The following SP3 variants were observed in gnomAD, a reference collection of about 807,000 sequenced individuals.
SP3 encodes the protein transcription factor Sp3.
A neutral mutation model predicts 70.3 loss-of-function variants in SP3; 10 were observed. The observed-to-expected ratio is 0.14, with a 90% CI of 0.09 to 0.24. SP3 has a LOEUF of 0.24. SP3 is among the 10% of genes least tolerant of loss of function. The pLI is 1.00. For synonymous variants in SP3, 402 were observed against 333.5 expected (o/e 1.21, Z -2.24); for missense variants, 825 against 914.6 (o/e 0.90, Z 1.26).
chr2:173,961,438 T>A (rs751015065), intron 3 of SP3, among the ~76,000 whole-genome samples: 1 of 152,162 alleles, frequency 6.6e-6, no homozygotes, highest in African/African-American at 2.4e-5. Flanking sequence ...CACAACAATA[T>A]ATATGCAATG....
chr2:173,964,533 G>C lies in SP3; in HGVS notation c.28C>G (p.Gln10Glu), dbSNP rs1297953607. 2.0e-6 allele frequency: 1 copy of C among 512,638 alleles called. No individual in the cohort carries two copies. Among genetic ancestry groups the C allele is most frequent in the East Asian group, 4.9e-5 (1 of 20,274 alleles). 31.8% of individuals were successfully genotyped at this position (512,638 alleles called of 1,614,324 possible). ...ACGTCCAAGGCAGCCATTTCCTCTTGTTTCACGGGCTTTTCGGGAGCTGCA... is the reference window on the plus strand; with the variant it reads ...ACGTCCAAGGCAGCCATTTCCTCTTCTTTCACGGGCTTTTCGGGAGCTGCA... Reference protein sequence around the residue: MTAPEKPVKQEEMAALDVDS... With the variant: MTAPEKPVKEEEMAALDVDS... The change falls in exon 2 of 7, where the codon CAA (glutamine) becomes GAA (glutamate). Residue 10 changes from glutamine (Q) to glutamate (E), a missense_variant. Around this residue, in one of 4 missense-constraint regions of SP3, gnomAD observed 678 missense variants for 651.6 expected, o/e 1.04. Transcript: ENST00000310015.
At chr2:173,920,931 T>C (rs1262886631) in intron 4 of SP3, among the ~76,000 whole-genome samples, 4 of 152,092 alleles carry the variant, frequency 2.6e-5, no homozygotes, top group South Asian at 2.1e-4. Flanking sequence ...AGGTGCTCCA[T>C]GGGGATAGAA....
intron 5 of SP3, among the ~76,000 whole-genome samples, chr2:173,918,003 A>T (rs1453225857): frequency 6.6e-6 from 1 of 150,790 alleles, no homozygotes; most frequent in African/African-American, 2.4e-5. Context: ...TTTTTTTTTA[A>T]AAAAAATATG....
At chr2:173,961,270 T>C (rs1284845814) in intron 3 of SP3, among the ~76,000 whole-genome samples, 1 of 152,228 alleles carries the variant, frequency 6.6e-6, no homozygotes, top group African/African-American at 2.4e-5. Flanking sequence ...CACCCTTGGC[T>C]AGGATCCTCT....
chr2:173,916,948 A>G (rs1000697310), intron 5 of SP3: 3 of 152,098 alleles, frequency 2.0e-5, no homozygotes, highest in Non-Finnish European at 4.4e-5. Context: ...TGGTCACAAA[A>G]ATTCTCAAAA....
In SP3 at chr2:173,955,366, C is replaced by T; in HGVS notation, c.1146G>A (p.Gln382=). 1 of 1,613,968 alleles carries T rather than the reference C, an allele frequency of 6.2e-7. No individual in the cohort carries two copies. Among genetic ancestry groups the T allele is most frequent in the East Asian group, 2.2e-5 (1 of 44,880 alleles). ...CTGTAGAAACCTGAATATTCTGTGC[C>T]TGTGTCTCTTCAGAAACAGGCGACT... ...YIQSPVSEET[Q]AQNIQVSTAQ... is the part of the protein sequence containing the mutation. Residue 382 remains glutamine (Q), a synonymous_variant, in exon 4 of 7, where the codon CAG becomes CAA. Transcript: ENST00000310015.
chr2:173,905,269 GA>G lies in SP3; in HGVS notation c.*4671del, dbSNP rs941922052. ...GGAATCTCCAGAGTTAAGGGGGGAG[GA>G]AGGCATTGGAAGGAGGTTACCATTT... On this transcript the variant is annotated 3_prime_UTR_variant, in exon 7 of 7. Coordinates refer to ENST00000310015, the MANE Select transcript of SP3 (RefSeq NM_003111.5). Among the ~76,000 whole-genome samples the G allele has an allele frequency of 6.6e-6, 1 of 152,176 alleles. No homozygotes were observed. The highest frequency in any genetic ancestry group is 1.5e-5 in the Non-Finnish European group (1 of 68,036).
chr2:173,913,491 C>A, intron 5 of SP3: 2 of 321,384 alleles, frequency 6.2e-6, no homozygotes, highest in South Asian at 1.2e-4. Context: ...TGATTGTTGT[C>A]CAAATGTAAA....
chr2:173,909,843 T>G lies in SP3; in HGVS notation c.*98A>C. The G allele has an allele frequency of 8.4e-7, 1 of 1,193,598 alleles. No individual in the cohort carries two copies. The allele number at this position is 1,193,598 out of a possible 1,614,324, so 73.9% of individuals were successfully genotyped here. On this transcript the variant is annotated 3_prime_UTR_variant, in exon 7 of 7. Transcript: ENST00000310015. ...ACCAAGTTACTGTCAATCCAAAAAT[T>G]TTTGCACATCAATAAAAAGATATCT... is the stretch of plus-strand genomic sequence containing the variant.
chr2:173,965,293 AT>A lies in SP3; in HGVS notation c.-123del, dbSNP rs1003471126. On this transcript the variant is annotated 5_prime_UTR_variant, in exon 1 of 7. Coordinates refer to ENST00000310015, the MANE Select transcript of SP3 (RefSeq NM_003111.5). Reference sequence around the variant, plus strand: ...CGGACACGGCCGGAGCGGTCCGGGGATTTTTTTTTCCTATTTTGATTGACTG... The same window carrying A: ...CGGACACGGCCGGAGCGGTCCGGGGATTTTTTTTCCTATTTTGATTGACTG... 7.8e-5 allele frequency: 91 copies of A among 1,167,752 alleles called. No homozygotes were observed. The highest frequency in any genetic ancestry group is 2.2e-4 in the Middle Eastern group (1 of 4,490). The allele number at this position is 1,167,752 out of a possible 1,614,324, so 72.3% of individuals were successfully genotyped here.
intron 4 of SP3, among the ~76,000 whole-genome samples, chr2:173,941,963 G>C (rs1054379787): frequency 6.6e-6 from 1 of 152,050 alleles, no homozygotes; most frequent in Admixed American, 6.6e-5. Context: ...CTCATTCACG[G>C]TATCTTACCT....
At chr2:173,910,606 TCTAA>T (rs1298683184) in intron 6 of SP3, among the ~76,000 whole-genome samples, 2 of 152,144 alleles carry the variant, frequency 1.3e-5, no homozygotes, top group East Asian at 3.8e-4. Context: ...CACTTTAAAG[TCTAA>T]ATAAAAGTAT....
intron 4 of SP3, among the ~76,000 whole-genome samples, chr2:173,944,630 G>A (rs1424682871): frequency 3.9e-5 from 6 of 152,132 alleles, no homozygotes; most frequent in African/African-American, 1.2e-4. Flanking sequence ...AATAAAATAC[G>A]GCATTACTGA....
At chr2:173,926,079 A>C (rs1689900854) in intron 4 of SP3, among the ~76,000 whole-genome samples, 1 of 152,218 alleles carries the variant, frequency 6.6e-6, no homozygotes. Flanking sequence ...TTAAGTATTC[A>C]AACTGCTCTT....
intron 6 of SP3, among the ~76,000 whole-genome samples, chr2:173,911,813 CTTTTTTTTTTT>C (rs11448837): frequency 4.1e-4 from 40 of 98,026 alleles, no homozygotes; most frequent in Admixed American, 6.2e-4. Flanking sequence ...TTTTATCTAC[CTTTTTTTTTTT>C]TTTTTTTTTT....
At chr2:173,910,449 T>C (rs1300526879) in intron 6 of SP3, among the ~76,000 whole-genome samples, 192 bp from the exon 7 acceptor site, 1 of 152,156 alleles carries the variant, frequency 6.6e-6, no homozygotes, top group East Asian at 1.9e-4. Flanking sequence ...AAATCTTTCA[T>C]CTTTACTTTT....
At chr2:173,954,444 T>G (rs1190102657) in intron 4 of SP3, among the ~76,000 whole-genome samples, 1 of 152,138 alleles carries the variant, frequency 6.6e-6, no homozygotes, top group East Asian at 1.9e-4. Context: ...ACCTAGCAAG[T>G]GGCTGAGGCA....
intron 4 of SP3, among the ~76,000 whole-genome samples, chr2:173,940,242 G>A (rs1407188390): frequency 6.6e-6 from 1 of 152,162 alleles, no homozygotes; most frequent in Non-Finnish European, 1.5e-5. Context: ...CAGTTTCATG[G>A]AAGACAATTT....
chr2:173,929,727 T>C (rs1690019195), intron 4 of SP3, among the ~76,000 whole-genome samples: 1 of 152,162 alleles, frequency 6.6e-6, no homozygotes, highest in South Asian at 2.1e-4. Flanking sequence ...CCTGGTCTGT[T>C]ATCTTCTAAC....
Sources: gnomAD v4.1 joint callset for allele counts (sites outside exome capture counted in the v4.1 genomes callset) on GRCh38, gnomAD v4.1.1 for gene constraint, gnomAD v4.1.1 regional missense constraint, MANE v1.5 for transcripts, NCBI Gene and HGNC (gene_info 2026-07-23, HGNC 2026-07-21) for gene names.